Variants in MAMLD1 observed in about 807,000 individuals in gnomAD.
The protein encoded by MAMLD1 is mastermind-like domain-containing protein 1.
A neutral mutation model predicts 45.0 loss-of-function variants in MAMLD1; 14 were observed. The ratio of observed to expected loss-of-function variants is 0.31; its 90% confidence interval spans 0.21 to 0.49. The LOEUF (loss-of-function observed/expected upper bound fraction) is 0.49, where lower values mean the gene tolerates loss of function less well. MAMLD1 is among the 20% of genes least tolerant of loss of function. The pLI, the probability that MAMLD1 is intolerant of heterozygous loss-of-function variation, is 0.99. For synonymous variants in MAMLD1, 254 were observed against 247.8 expected (o/e 1.02, Z -0.24); for missense variants, 543 against 603.6 (o/e 0.90, Z 1.05).
At chrX:150,500,648 C>T (rs1274838427) in intron 5 of MAMLD1, among the ~76,000 whole-genome samples, 1 of 111,757 alleles carries the variant, frequency 8.9e-6, no homozygotes, top group Non-Finnish European at 1.9e-5. Flanking sequence ...ATTATGCCCA[C>T]CAATTACTGA....
chrX:150,380,611 GAAATTCACCAAATTTTCTTCCA>G (rs2032556132), intron 1 of MAMLD1, among the ~76,000 whole-genome samples: 3 of 111,409 alleles, frequency 2.7e-5, no homozygotes, highest in Non-Finnish European at 5.7e-5. Flanking sequence ...AGTTTAAAGA[GAAATTCACCAAATTTTCTTCCA>G]GTATTTGTAT....
chrX:150,370,567 G>C (rs964124220), intron 1 of MAMLD1, among the ~76,000 whole-genome samples: 2 of 111,342 alleles, frequency 1.8e-5, no homozygotes, highest in Admixed American at 1.9e-4. Context: ...GATTGGAGGT[G>C]CATAGTCCTG....
At chrX:150,422,759 C>T (rs1292716006) in intron 1 of MAMLD1, among the ~76,000 whole-genome samples, 1 of 111,712 alleles carries the variant, frequency 9.0e-6, no homozygotes, top group East Asian at 2.8e-4. Context: ...TATTAACATT[C>T]TAGGATTCTA....
chrX:150,497,301 T>TC (rs1557408333), intron 5 of MAMLD1, among the ~76,000 whole-genome samples: 2 of 99,436 alleles, frequency 2.0e-5, no homozygotes, highest in Non-Finnish European at 4.1e-5. Flanking sequence ...TTTTTTTTTT[T>TC]GAGATGGAGT....
chrX:150,472,359 T>C (rs1414025550), intron 4 of MAMLD1, among the ~76,000 whole-genome samples: 1 of 112,256 alleles, frequency 8.9e-6, no homozygotes, highest in Non-Finnish European at 1.9e-5. Flanking sequence ...TACCACCACA[T>C]CCTGATTTCT....
chrX:150,508,105 C>G (rs1298931411), intron 6 of MAMLD1, among the ~76,000 whole-genome samples: 1 of 112,433 alleles, frequency 8.9e-6, no homozygotes, highest in African/African-American at 3.2e-5. Context: ...CATCAGTAAG[C>G]TGGGGACTGT....
intron 5 of MAMLD1, among the ~76,000 whole-genome samples, chrX:150,480,506 C>T (rs1247848228): frequency 8.9e-6 from 1 of 112,008 alleles, no homozygotes; most frequent in African/African-American, 3.3e-5. Context: ...AGCAGAAAGG[C>T]CCAAAGAGAT....
chrX:150,454,401 C>T (rs782555998), intron 2 of MAMLD1, among the ~76,000 whole-genome samples: 2 of 111,617 alleles, frequency 1.8e-5, no homozygotes, highest in Non-Finnish European at 3.8e-5. Context: ...TTTTTTTAGC[C>T]ACATGACATC....
At chrX:150,478,594 C>G in intron 5 of MAMLD1, among the ~76,000 whole-genome samples, 1 of 112,219 alleles carries the variant, frequency 8.9e-6, no homozygotes, top group Non-Finnish European at 1.9e-5. Context: ...AATGCAAGAA[C>G]AGAAGCCTCT....
At chrX:150,402,928 G>T (rs1557402508) in intron 1 of MAMLD1, among the ~76,000 whole-genome samples, 4 of 110,651 alleles carry the variant, frequency 3.6e-5, no homozygotes, top group African/African-American at 1.3e-4. Flanking sequence ...GTTGTGGGGT[G>T]GGGGGAGGAA....
At chrX:150,368,114 A>G (rs1236199243) in intron 1 of MAMLD1, among the ~76,000 whole-genome samples, 1 of 111,978 alleles carries the variant, frequency 8.9e-6, no homozygotes, top group African/African-American at 3.3e-5. Flanking sequence ...TTCTACTTCT[A>G]GATCCTTGAG....
intron 1 of MAMLD1, among the ~76,000 whole-genome samples, chrX:150,408,760 C>T (rs782066243): frequency 5.8e-4 from 65 of 111,789 alleles, no homozygotes; most frequent in Middle Eastern, 4.6e-3. Context: ...AGGGCCAACG[C>T]GGGGGAGTCA....
At chrX:150,485,833 G>A (rs1014735352) in intron 5 of MAMLD1, among the ~76,000 whole-genome samples, 4 of 111,992 alleles carry the variant, frequency 3.6e-5, no homozygotes, top group African/African-American at 1.3e-4. Context: ...ATTTGTCTCT[G>A]TAAATGAATT....
At chrX:150,423,368 GTGTGTGTGTGTGTGTGTT>G (rs1425876499) in intron 1 of MAMLD1, among the ~76,000 whole-genome samples, 8 of 107,099 alleles carry the variant, frequency 7.5e-5, no homozygotes, top group Admixed American at 1.0e-4. Flanking sequence ...GTGTGTGTGT[GTGTGTGTGTGTGTGTGTT>G]TGCACCTTTG....
chrX:150,463,853 TG>T (rs2036130913), intron 3 of MAMLD1, among the ~76,000 whole-genome samples: 1 of 111,208 alleles, frequency 9.0e-6, no homozygotes, highest in Non-Finnish European at 1.9e-5. Flanking sequence ...AGGTCAGTGC[TG>T]TCAGGTCAGT....
intron 5 of MAMLD1, among the ~76,000 whole-genome samples, chrX:150,498,695 G>T (rs1438950467): frequency 8.9e-6 from 1 of 112,749 alleles, no homozygotes; most frequent in Non-Finnish European, 1.9e-5. Context: ...TTCTTTCTGG[G>T]ATGATTCAGC....
chrX:150,429,141 G>A (rs1471303035), intron 1 of MAMLD1, among the ~76,000 whole-genome samples: 5 of 109,954 alleles, frequency 4.5e-5, no homozygotes, highest in African/African-American at 1.7e-4. Flanking sequence ...CAGTATCAGA[G>A]GCCTCTTTTT....
At chrX:150,387,723 G>T (rs917794872) in intron 1 of MAMLD1, among the ~76,000 whole-genome samples, 6 of 111,611 alleles carry the variant, frequency 5.4e-5, no homozygotes, top group Admixed American at 9.5e-5. Context: ...AGCTTTCTGA[G>T]ATTTTTTTTA....
At chrX:150,486,879 C>G (rs1557407651) in intron 5 of MAMLD1, among the ~76,000 whole-genome samples, 1 of 112,413 alleles carries the variant, frequency 8.9e-6, no homozygotes, top group Non-Finnish European at 1.9e-5. Context: ...TCACATCCTG[C>G]TGGACAGCAG....
Sources: allele counts gnomAD v4.1 joint callset (sites outside exome capture counted in the v4.1 genomes callset), GRCh38; gene constraint gnomAD v4.1.1; transcripts MANE v1.5; gene names NCBI Gene and HGNC (gene_info 2026-07-23, HGNC 2026-07-21).